FRMD4A: variants seen among roughly 807,000 people sequenced by gnomAD.
FRMD4A encodes FERM domain-containing protein 4A.
A neutral mutation model predicts 129.1 loss-of-function variants in FRMD4A; 29 were observed. The observed-to-expected ratio is 0.22, with a 90% CI of 0.17 to 0.31. The LOEUF (loss-of-function observed/expected upper bound fraction) is 0.31. Among genes scored for constraint, FRMD4A ranks in the 10% least tolerant of loss-of-function variants. The probability of loss-of-function intolerance (pLI) is 1.00; values close to 1 mark genes in which losing one functional copy is unlikely to be tolerated. For missense variants in FRMD4A, 1,272 were observed against 1,375.8 expected (o/e 0.92, Z 1.19); for synonymous variants, 634 against 571.6 (o/e 1.11, Z -1.56).
chr10:13,885,621 T>C (rs1481721459), intron 2 of FRMD4A, among the ~76,000 whole-genome samples: 7 of 152,222 alleles, frequency 4.6e-5, no homozygotes, highest in Admixed American at 1.3e-4. Context: ...CCAGATCACA[T>C]ATGCACGTGG....
intron 3 of FRMD4A, among the ~76,000 whole-genome samples, chr10:13,823,397 T>C (rs1026958031): frequency 6.6e-6 from 1 of 152,142 alleles, no homozygotes; most frequent in Non-Finnish European, 1.5e-5. Context: ...ATTAATGAAA[T>C]GATAACTGTT....
chr10:13,650,092 G>C (rs2081429027), intron 24 of FRMD4A, among the ~76,000 whole-genome samples: 1 of 152,254 alleles, frequency 6.6e-6, no homozygotes, highest in South Asian at 2.1e-4. Flanking sequence ...TACTGGCTAA[G>C]CCAGGGCCGT....
At chr10:13,998,496 A>G (rs2095630803) in intron 2 of FRMD4A, among the ~76,000 whole-genome samples, 1 of 152,176 alleles carries the variant, frequency 6.6e-6, no homozygotes, top group South Asian at 2.1e-4. Context: ...ATCCTACTGT[A>G]TATCTCCATT....
chr10:13,702,794 C>G (rs2086974581), intron 13 of FRMD4A, among the ~76,000 whole-genome samples: 1 of 151,244 alleles, frequency 6.6e-6, no homozygotes, highest in Non-Finnish European at 1.5e-5. Flanking sequence ...GTCGGGGGTG[C>G]TAAAGATTTA....
chr10:13,823,985 C>G (rs1309181786), intron 3 of FRMD4A, among the ~76,000 whole-genome samples: 2 of 152,142 alleles, frequency 1.3e-5, no homozygotes, highest in Non-Finnish European at 2.9e-5. Context: ...GACTGTGTCT[C>G]TATTGCCATC....
chr10:14,239,349 C>T (rs192587296), intron 2 of FRMD4A, among the ~76,000 whole-genome samples: 6 of 152,210 alleles, frequency 3.9e-5, no homozygotes, highest in African/African-American at 7.2e-5. Flanking sequence ...AAAAGCTGGC[C>T]GGACGCGGTG....
In FRMD4A at chr10:13,794,330, C is replaced by G. The variant is rs149896536; in HGVS notation, c.299+2166G>C. Among the ~76,000 whole-genome samples the G allele has an allele frequency of 8.7e-3, 1,237 of 141,648 alleles. 7 individuals carry two copies. The highest frequency in any genetic ancestry group is 0.015 in the Middle Eastern group (4 of 262). 92.9% of individuals were successfully genotyped at this position (141,648 alleles called of 152,430 possible). A position where few individuals can be genotyped will look rare whatever the true frequency, so the allele number is the denominator to read the frequency against. ...TCTCTTGAACTTGGGAGGTGGAGGTCGCAGTGAGCCGAGATCATGCCATTA... is the reference window on the plus strand; with the variant it reads ...TCTCTTGAACTTGGGAGGTGGAGGTGGCAGTGAGCCGAGATCATGCCATTA... On this transcript the variant is annotated intron_variant, in intron 5 of 24. Transcript: ENST00000357447.
At chr10:14,067,716 C>T (rs1835130142) in intron 2 of FRMD4A, among the ~76,000 whole-genome samples, 1 of 152,166 alleles carries the variant, frequency 6.6e-6, no homozygotes, top group Non-Finnish European at 1.5e-5. Flanking sequence ...ACTCGGGAGG[C>T]TGAGGCAGAA....
intron 2 of FRMD4A, among the ~76,000 whole-genome samples, chr10:14,327,916 C>G (rs1007155036): frequency 1.3e-5 from 2 of 152,192 alleles, no homozygotes; most frequent in African/African-American, 2.4e-5. Context: ...CCTGAACTCA[C>G]AGCCAAAGCA....
intron 2 of FRMD4A, among the ~76,000 whole-genome samples, chr10:14,114,980 TAGAA>T (rs1838122772): frequency 6.6e-6 from 1 of 152,096 alleles, no homozygotes; most frequent in Admixed American, 6.5e-5. Flanking sequence ...AAGAATGGGA[TAGAA>T]AGAGTGGGCA....
At chr10:14,203,222 A>G (rs1842689774) in intron 2 of FRMD4A, among the ~76,000 whole-genome samples, 1 of 152,176 alleles carries the variant, frequency 6.6e-6, no homozygotes, top group African/African-American at 2.4e-5. Context: ...TTATTGCAGC[A>G]TATATAGATT....
intron 2 of FRMD4A, among the ~76,000 whole-genome samples, chr10:14,053,040 A>T (rs1025612092): frequency 1.3e-5 from 2 of 152,154 alleles, no homozygotes; most frequent in Non-Finnish European, 1.5e-5. Context: ...ATTTGAAGGG[A>T]ACAAACATCC....
chr10:14,118,859 C>A (rs574620124), intron 2 of FRMD4A, among the ~76,000 whole-genome samples: 18 of 152,228 alleles, frequency 1.2e-4, no homozygotes, highest in East Asian at 9.7e-4. Flanking sequence ...GGGTAGGGAC[C>A]CAGCCAAACC....
Position 13,644,017 on chromosome 10 carries a change from C to G in FRMD4A, c.*3021G>C, listed in dbSNP as rs2080968025. ...TTAATGTATATGTAAAACTTTACACCTAGTTAACTAAGCAGTAACTGGTCA... is the reference window on the plus strand; with the variant it reads ...TTAATGTATATGTAAAACTTTACACGTAGTTAACTAAGCAGTAACTGGTCA... On this transcript the variant is annotated 3_prime_UTR_variant, in exon 25 of 25. Coordinates refer to ENST00000357447, the MANE Select transcript of FRMD4A (RefSeq NM_018027.5). 1 of 152,596 alleles carries G rather than the reference C, an allele frequency of 6.6e-6. No individual in the cohort carries two copies. Among genetic ancestry groups the G allele is most frequent in the African/African-American group, 2.4e-5 (1 of 41,442 alleles). 9.5% of individuals were successfully genotyped at this position (152,596 alleles called of 1,614,324 possible).
chr10:14,188,235 C>T (rs549377896), intron 2 of FRMD4A, among the ~76,000 whole-genome samples: 4 of 152,242 alleles, frequency 2.6e-5, no homozygotes, highest in South Asian at 2.1e-4. Flanking sequence ...CCTTTCTGGA[C>T]GCCTGCCTCT....
chr10:13,809,988 C>T (rs781062013), intron 4 of FRMD4A, among the ~76,000 whole-genome samples: 80 of 152,290 alleles, frequency 5.3e-4, no homozygotes, highest in Middle Eastern at 3.4e-3. Context: ...GGCCTCGGCT[C>T]CCCTGTACTG....
intron 2 of FRMD4A, among the ~76,000 whole-genome samples, chr10:14,133,377 T>G (rs1326170836): frequency 6.6e-6 from 1 of 152,252 alleles, no homozygotes; most frequent in Non-Finnish European, 1.5e-5. Flanking sequence ...ATAATTACTT[T>G]TACACCAACC....
intron 3 of FRMD4A, among the ~76,000 whole-genome samples, chr10:13,826,970 C>T (rs969222604): frequency 1.3e-5 from 2 of 152,154 alleles, no homozygotes; most frequent in African/African-American, 2.4e-5. Flanking sequence ...ACCCTCCATC[C>T]TGGACTGAAA....
chr10:13,705,400 G>A (rs896757754), intron 13 of FRMD4A, among the ~76,000 whole-genome samples: 3 of 152,142 alleles, frequency 2.0e-5, no homozygotes, highest in African/African-American at 7.2e-5. Context: ...TTTGTCCAAG[G>A]TGCCTGGGTG....
Sources: gnomAD v4.1 joint callset for allele counts (sites outside exome capture counted in the v4.1 genomes callset) on GRCh38, gnomAD v4.1.1 for gene constraint, MANE v1.5 for transcripts, NCBI Gene and HGNC (gene_info 2026-07-23, HGNC 2026-07-21) for gene names.